Variants in MYRIP observed in about 807,000 individuals in gnomAD.
MYRIP encodes rab effector MyRIP.
MYRIP carries 49 observed loss-of-function variants against 98.0 expected under a neutral mutation model. That is an observed-to-expected ratio of 0.50 (90% CI 0.40 to 0.63). MYRIP has a LOEUF of 0.63. Among genes scored for constraint, MYRIP ranks in the 30% least tolerant of loss-of-function variants. The probability of loss-of-function intolerance (pLI) is 0.00; values close to 1 mark genes in which losing one functional copy is unlikely to be tolerated. For synonymous variants in MYRIP, 404 were observed against 409.5 expected, an observed-to-expected ratio of 0.99 and a Z score of 0.16; for missense variants, 1,004 against 1,058.2, an observed-to-expected ratio of 0.95 and a Z score of 0.71.
At chr3:40,155,654 T>A (rs1950217615) in intron 4 of MYRIP, among the ~76,000 whole-genome samples, 1 of 151,278 alleles carries the variant, frequency 6.6e-6, no homozygotes, top group African/African-American at 2.4e-5. Context: ...CCAGCACCTG[T>A]TGTTTCCTGA....
At chr3:40,186,310 C>T (rs1489808862) in intron 9 of MYRIP, among the ~76,000 whole-genome samples, 2 of 152,132 alleles carry the variant, frequency 1.3e-5, no homozygotes, top group South Asian at 2.1e-4. Flanking sequence ...CTTGGTTTGA[C>T]TCCCACCAGA....
At chr3:39,824,806 C>T (rs1342259912) in intron 1 of MYRIP, among the ~76,000 whole-genome samples, 2 of 151,914 alleles carry the variant, frequency 1.3e-5, no homozygotes, top group African/African-American at 4.8e-5. Context: ...GCCTTAAACT[C>T]CTGGGCTTAA....
intron 3 of MYRIP, among the ~76,000 whole-genome samples, chr3:40,137,569 C>A (rs544054408): frequency 1.1e-4 from 16 of 152,276 alleles, no homozygotes; most frequent in African/African-American, 3.9e-4. Context: ...AAGCCTGGCA[C>A]AGACACAAGC....
intron 2 of MYRIP, among the ~76,000 whole-genome samples, chr3:39,930,646 T>G (rs75992610): frequency 6.6e-6 from 1 of 152,084 alleles, no homozygotes; most frequent in Non-Finnish European, 1.5e-5. Context: ...TCTAGGAATT[T>G]TATAAATTTA....
chr3:40,244,361 C>A, intron 12 of MYRIP, 85 bp from the exon 13 acceptor site: 1 of 1,265,528 alleles, frequency 7.9e-7, no homozygotes, highest in Non-Finnish European at 1.1e-6. Context: ...ATCTCACTCC[C>A]CTGAATTGCT....
chr3:40,201,385 A>T (rs1046745319), intron 10 of MYRIP, among the ~76,000 whole-genome samples: 1 of 151,470 alleles, frequency 6.6e-6, no homozygotes, highest in Non-Finnish European at 1.5e-5. Flanking sequence ...AGAGTGGGAG[A>T]TGTGCTCCAG....
chr3:40,097,859 A>G (rs1209707157), intron 3 of MYRIP, among the ~76,000 whole-genome samples: 2 of 152,182 alleles, frequency 1.3e-5, no homozygotes, highest in African/African-American at 2.4e-5. Flanking sequence ...CACTGACAAT[A>G]TGAGCAACAG....
At chr3:39,985,775 A>T (rs531674766) in intron 2 of MYRIP, among the ~76,000 whole-genome samples, 2 of 152,166 alleles carry the variant, frequency 1.3e-5, no homozygotes, top group Admixed American at 6.5e-5. Flanking sequence ...CTGAAACTGG[A>T]TCCCTTCCTT....
At chr3:40,159,019 G>A (rs1216701835) in intron 4 of MYRIP, among the ~76,000 whole-genome samples, 2 of 151,776 alleles carry the variant, frequency 1.3e-5, no homozygotes, top group Non-Finnish European at 2.9e-5. Flanking sequence ...TGTTATATGT[G>A]AATTTGATCC....
chr3:40,160,927 G>C (rs1007927988), intron 4 of MYRIP, among the ~76,000 whole-genome samples: 8 of 152,142 alleles, frequency 5.3e-5, no homozygotes, highest in Non-Finnish European at 8.8e-5. Flanking sequence ...AGATGAACCT[G>C]GTACCTCAGA....
In MYRIP at chr3:40,163,014, C is replaced by T; in HGVS notation, c.550+204C>T. The T allele has an allele frequency of 6.1e-6, 3 of 488,778 alleles. No homozygotes were observed. The South Asian group carries it at 9.2e-5, about 15-fold the overall frequency. 30.3% of individuals were successfully genotyped at this position (488,778 alleles called of 1,614,324 possible). The stretch of plus-strand genomic sequence containing the variant: ...TAGGTGAGTATATCCAAAATGTGGC[C>T]AAGAGAACAGCATTCGTTACCCAAC... On this transcript the variant is annotated intron_variant, in intron 5 of 16. Coordinates refer to ENST00000302541, the MANE Select transcript of MYRIP (RefSeq NM_015460.4).
intron 2 of MYRIP, among the ~76,000 whole-genome samples, chr3:39,964,924 A>G (rs1207881102): frequency 6.6e-6 from 1 of 152,096 alleles, no homozygotes; most frequent in Non-Finnish European, 1.5e-5. Flanking sequence ...TGATACAGAC[A>G]TTTTCTAGTT....
In MYRIP at chr3:39,890,636, A is replaced by ATTTT. The variant is rs35017704; in HGVS notation, c.-30-10137_-30-10134dup. Among the ~76,000 whole-genome samples the ATTTT allele has an allele frequency of 2.1e-3, 291 of 138,524 alleles. 5 individuals carry two copies. The highest frequency in any genetic ancestry group is 7.3e-3 in the African/African-American group (278 of 37,940). 90.9% of individuals were successfully genotyped at this position (138,524 alleles called of 152,430 possible). A position where few individuals can be genotyped will look rare whatever the true frequency, so the allele number is the denominator to read the frequency against. Reference sequence around the variant, plus strand: ...TAGGGGCTGTGGTCCAGGTTAGCTGATTTTTTTTTTTTTTTTTAATATTTG... The same window carrying ATTTT: ...TAGGGGCTGTGGTCCAGGTTAGCTGATTTTTTTTTTTTTTTTTTTTTAATATTTG... On this transcript the variant is annotated intron_variant, in intron 1 of 16. Transcript: ENST00000302541.
At chr3:40,257,794 G>A (rs1953645320) in intron 16 of MYRIP, among the ~76,000 whole-genome samples, 1 of 152,166 alleles carries the variant, frequency 6.6e-6, no homozygotes, top group Admixed American at 6.5e-5. Context: ...AACCACATAT[G>A]AGAATGTGTT....
rs533529758 is a variant in MYRIP, at chr3:39,921,302, T to C, written c.110+20376T>C. Among the ~76,000 whole-genome samples the C allele has an allele frequency of 2.2e-4, 34 of 152,354 alleles. 1 individual carries two copies. The South Asian group carries it at 6.8e-3, about 31-fold the overall frequency. On this transcript the variant is annotated intron_variant, in intron 2 of 16. Transcript: ENST00000302541. ...CAAGTGAGCACTGGTGAACTCTTCC[T>C]GTTTCCACAATTGTGACAGTAGGCC...
At chr3:39,860,526 C>T (rs1942436373) in intron 1 of MYRIP, among the ~76,000 whole-genome samples, 1 of 152,134 alleles carries the variant, frequency 6.6e-6, no homozygotes, top group Non-Finnish European at 1.5e-5. Flanking sequence ...TGAGGACCTC[C>T]CTGTCTTCTG....
chr3:40,044,981 C>G (rs928167502), intron 3 of MYRIP, among the ~76,000 whole-genome samples: 1 of 152,166 alleles, frequency 6.6e-6, no homozygotes, highest in Admixed American at 6.5e-5. Flanking sequence ...GTATGATAAA[C>G]CAGTGTTTGG....
intron 1 of MYRIP, among the ~76,000 whole-genome samples, chr3:39,860,613 A>G (rs1460230662): frequency 6.6e-6 from 1 of 152,170 alleles, no homozygotes; most frequent in Non-Finnish European, 1.5e-5. Context: ...GTCTCCCAGA[A>G]GCCCACACTG....
chr3:40,010,102 G>T (rs1946728348), intron 2 of MYRIP, among the ~76,000 whole-genome samples: 1 of 152,212 alleles, frequency 6.6e-6, no homozygotes. Context: ...GCCAAGGTGG[G>T]AGCTGTATAT....
Sources: allele counts gnomAD v4.1 joint callset (sites outside exome capture counted in the v4.1 genomes callset), GRCh38; gene constraint gnomAD v4.1.1; transcripts MANE v1.5; gene names NCBI Gene and HGNC (gene_info 2026-07-23, HGNC 2026-07-21).